Variants in SETD2 observed in about 807,000 individuals in gnomAD.
The protein encoded by SETD2 is SET domain containing 2, histone lysine methyltransferase, also known as histone-lysine N-methyltransferase SETD2.
SETD2 carries 31 observed loss-of-function variants against 242.1 expected under a neutral mutation model. That is an observed-to-expected ratio of 0.13 (90% CI 0.10 to 0.17). The LOEUF is 0.17. Among genes scored for constraint, SETD2 ranks in the 10% least tolerant of loss-of-function variants. The pLI is 1.00. For missense variants in SETD2, 2,481 were observed against 3,046.3 expected (o/e 0.81, Z 4.37); for synonymous variants, 1,006 against 1,066.5 (o/e 0.94, Z 1.11).
chr3:47,025,474 T>C (rs1022859337), intron 18 of SETD2, among the ~76,000 whole-genome samples: 4 of 152,170 alleles, frequency 2.6e-5, no homozygotes, highest in African/African-American at 7.2e-5. Flanking sequence ...ATTTATTGAC[T>C]CCCAAGTACC....
chr3:47,054,490 G>C (rs2039974043), intron 15 of SETD2, among the ~76,000 whole-genome samples: 1 of 152,018 alleles, frequency 6.6e-6, no homozygotes, highest in South Asian at 2.1e-4. Context: ...CATATTTTTA[G>C]GGAAAAACTC....
chr3:47,096,447 C>G (rs771950138), intron 9 of SETD2, among the ~76,000 whole-genome samples: 4 of 152,148 alleles, frequency 2.6e-5, no homozygotes, highest in Admixed American at 6.6e-5. Flanking sequence ...TAGCTCATGC[C>G]TGTAATCCCA....
At chr3:47,117,002 T>C (rs1701126868) in intron 3 of SETD2, among the ~76,000 whole-genome samples, 1 of 151,930 alleles carries the variant, frequency 6.6e-6, no homozygotes, top group Admixed American at 6.6e-5. Context: ...GCCACCACGC[T>C]TGGTTTTTGT....
intron 1 of SETD2, among the ~76,000 whole-genome samples, chr3:47,162,002 G>A (rs1362134732): frequency 1.3e-5 from 2 of 151,466 alleles, no homozygotes; most frequent in African/African-American, 4.9e-5. Context: ...CTACATTAAA[G>A]CAATAAAAAT....
chr3:47,080,112 C>A (rs994614746), intron 12 of SETD2, among the ~76,000 whole-genome samples: 1 of 152,152 alleles, frequency 6.6e-6, no homozygotes, highest in Non-Finnish European at 1.5e-5. Context: ...TGACTCAAAA[C>A]TTCTCAGTTT....
intron 15 of SETD2, among the ~76,000 whole-genome samples, chr3:47,056,376 C>G (rs2040082881): frequency 6.6e-6 from 1 of 152,044 alleles, no homozygotes; most frequent in African/African-American, 2.4e-5. Flanking sequence ...ATCCGTCCAC[C>G]TCGGCCTCCC....
intron 14 of SETD2, 60 bp from the exon 15 acceptor site, chr3:47,057,550 A>C: frequency 8.1e-7 from 1 of 1,240,124 alleles, no homozygotes; most frequent in Non-Finnish European, 1.2e-6. Context: ...CAATCAAAGC[A>C]CTAATAAGTA....
At chr3:47,060,451 T>C (rs577393815) in intron 14 of SETD2, among the ~76,000 whole-genome samples, 27 of 152,256 alleles carry the variant, frequency 1.8e-4, no homozygotes, top group African/African-American at 6.0e-4. Flanking sequence ...CAAGACCTAA[T>C]AGAAGCTACA....
In SETD2 at chr3:47,090,777, C is replaced by T. The variant is rs991171461; in HGVS notation, c.5143-2530G>A. ...ACTAAGGAGAAGACAGGTAACATTA[C>T]AACTTAGCAGGAAATGATGAAAGTC... On this transcript the variant is annotated intron_variant, in intron 9 of 20. Transcript: ENST00000409792. Among the ~76,000 whole-genome samples the T allele has an allele frequency of 5.3e-4, 81 of 152,262 alleles. 1 individual carries two copies. Among genetic ancestry groups the T allele is most frequent in the African/African-American group, 1.8e-3 (76 of 41,564 alleles).
intron 1 of SETD2, among the ~76,000 whole-genome samples, chr3:47,156,104 G>A (rs556963401): frequency 2.6e-5 from 4 of 152,242 alleles, no homozygotes; most frequent in East Asian, 3.9e-4. Flanking sequence ...GCAGAGCCAC[G>A]TAATAGATTT....
chr3:47,138,347 G>T, intron 1 of SETD2: 2 of 218,580 alleles, frequency 9.1e-6, no homozygotes, highest in Non-Finnish European at 2.0e-5. Flanking sequence ...TCAGCTCACT[G>T]CAACCTCCAC....
rs2038030420 is a variant in SETD2 at position 47,017,469 on chromosome 3, ATGTAAGGTACGCAT to A, written c.7533+155_7533+168del. 6.6e-6 allele frequency among the ~76,000 whole-genome samples: 1 copy of A among 152,084 alleles called. No individual in the cohort carries two copies. Among genetic ancestry groups the A allele is most frequent in the Non-Finnish European group, 1.5e-5 (1 of 68,010 alleles). ...AATTTCTTAGAGAACTACTGCTGTCATGTAAGGTACGCATCCCTCCCCAAACCTTCCCTCCCCGT... is the reference window on the plus strand; with the variant it reads ...AATTTCTTAGAGAACTACTGCTGTCACCCTCCCCAAACCTTCCCTCCCCGT... On this transcript the variant is annotated intron_variant, in intron 20 of 20. Transcript: ENST00000409792. The surrounding 1 kb of genome is among the most constrained non-coding windows in gnomAD (Gnocchi z 4.8).
At chr3:47,146,839 G>C (rs1378290090) in intron 1 of SETD2, among the ~76,000 whole-genome samples, 1 of 151,660 alleles carries the variant, frequency 6.6e-6, no homozygotes, top group African/African-American at 2.4e-5. Flanking sequence ...TTGGGAGGCT[G>C]AGACAGGAGA....
chr3:47,017,318 G>A lies in SETD2; in HGVS notation c.7534-64C>T, dbSNP rs2107486395. On this transcript the variant is annotated intron_variant, in intron 20 of 20. Transcript: ENST00000409792. The surrounding 1 kb of genome is among the most constrained non-coding windows in gnomAD (Gnocchi z 4.8). The stretch of plus-strand genomic sequence containing the variant: ...CAGAGCAGAAATTATATGAGGGGGA[G>A]GACAGGGGTGGTAATCCAGCCTGCT... 3.2e-6 allele frequency: 5 copies of A among 1,559,350 alleles called. No individual in the cohort carries two copies. The highest frequency in any genetic ancestry group is 1.8e-6 in the Non-Finnish European group (2 of 1,139,254).
intron 17 of SETD2, among the ~76,000 whole-genome samples, chr3:47,041,841 T>C (rs1482655302): frequency 6.6e-6 from 1 of 152,130 alleles, no homozygotes; most frequent in Non-Finnish European, 1.5e-5. Flanking sequence ...GGATAAACAA[T>C]CTAGCTATTT....
chr3:47,062,788 TA>T (rs2040395081), intron 13 of SETD2, among the ~76,000 whole-genome samples: 1 of 152,124 alleles, frequency 6.6e-6, no homozygotes, highest in South Asian at 2.1e-4. Flanking sequence ...GAGAAAAGTT[TA>T]TTTTTTTTTT....
chr3:47,125,127 T>C (rs1269840342), intron 2 of SETD2, among the ~76,000 whole-genome samples: 2 of 152,056 alleles, frequency 1.3e-5, no homozygotes, highest in East Asian at 3.9e-4. Context: ...GAGACCAGCC[T>C]GGCCAACATA....
At chr3:47,157,631 T>C in intron 1 of SETD2, 1 of 440,858 alleles carries the variant, frequency 2.3e-6, no homozygotes, top group Non-Finnish European at 4.5e-6. Context: ...CCCAGCACTT[T>C]GGGAAGCCCA....
At chr3:47,147,321 T>C (rs2043879253) in intron 1 of SETD2, among the ~76,000 whole-genome samples, 2 of 105,014 alleles carry the variant, frequency 1.9e-5, no homozygotes, top group Non-Finnish European at 3.7e-5. Context: ...CCACTGCATG[T>C]CATTTTTTTT....
Sources: gnomAD v4.1 joint callset for allele counts (sites outside exome capture counted in the v4.1 genomes callset) on GRCh38, gnomAD v4.1.1 for gene constraint, Gnocchi (gnomAD v3.1) non-coding constraint, MANE v1.5 for transcripts, NCBI Gene and HGNC (gene_info 2026-07-23, HGNC 2026-07-21) for gene names.